RARB: variants seen among roughly 807,000 people sequenced by gnomAD.
The protein encoded by RARB is retinoic acid receptor beta.
In RARB, 17 loss-of-function variants were observed where a neutral mutation model predicts 51.9. The ratio of observed to expected loss-of-function variants is 0.33; its 90% CI spans 0.22 to 0.49. The LOEUF is 0.49. Among genes scored for constraint, RARB ranks in the 20% least tolerant of loss-of-function variants. RARB has a pLI of 0.99. For synonymous variants in RARB, 215 were observed against 195.4 expected (o/e 1.10, Z -0.84); for missense variants, 369 against 550.8 (o/e 0.67, Z 3.30).
chr3:25,149,422 A>G (rs978442811), intron 4 of RARB, among the ~76,000 whole-genome samples: 9 of 152,244 alleles, frequency 5.9e-5, no homozygotes, highest in South Asian at 4.1e-4. Flanking sequence ...TATGCTAACC[A>G]TAGTTCTACC....
intron 4 of RARB, among the ~76,000 whole-genome samples, chr3:25,139,938 A>G (rs1173390483): frequency 6.6e-6 from 1 of 152,198 alleles, no homozygotes; most frequent in African/African-American, 2.4e-5. Flanking sequence ...CAAAGTGTGG[A>G]TGACAGCACA....
rs1442602340 is a variant in RARB, at chr3:25,403,869, C to G, written c.179-57324C>G. On this transcript the variant is annotated intron_variant, in intron 5 of 11. Coordinates refer to the RARB transcript ENST00000383772. ...AAAAAAAGATGCCAAGTGTCACAAG[C>G]TGTGAATTTCTTTTTCTAAAAAAAA... Among the ~76,000 whole-genome samples the G allele has an allele frequency of 4.4e-5, 4 of 91,080 alleles. No homozygotes were observed. The Admixed American group carries it at 6.1e-4, about 14-fold the overall frequency. 59.8% of individuals were successfully genotyped at this position (91,080 alleles called of 152,430 possible).
intron 1 of RARB, among the ~76,000 whole-genome samples, chr3:24,854,821 C>A (rs1702611578): frequency 6.6e-6 from 1 of 152,174 alleles, no homozygotes; most frequent in South Asian, 2.1e-4. Context: ...TCCCTGGGGG[C>A]AAAATCATCC....
chr3:25,539,532 C>T lies in RARB; in HGVS notation c.449-30226C>T, dbSNP rs201614907. Among the ~76,000 whole-genome samples the T allele has an allele frequency of 2.2e-3, 221 of 102,342 alleles. 1 individual carries two copies. The highest frequency in any genetic ancestry group is 5.9e-3 in the African/African-American group (136 of 23,044). The allele number at this position is 102,342 out of a possible 152,430, so 67.1% of individuals were successfully genotyped here. ...CCACCTGGCCACACTCTCTCTCTCT[C>T]TTTTTTTTTTTTTTTTCTTTTTTTT... On this transcript the variant is annotated intron_variant, in intron 3 of 7. Coordinates refer to ENST00000330688, the MANE Select transcript of RARB (RefSeq NM_000965.5).
intron 5 of RARB, among the ~76,000 whole-genome samples, chr3:25,348,159 A>C (rs1330666613): frequency 1.3e-5 from 2 of 152,192 alleles, no homozygotes; most frequent in Non-Finnish European, 2.9e-5. Context: ...TCCAGAGTTT[A>C]AATCTTGGCC....
intron 1 of RARB, among the ~76,000 whole-genome samples, chr3:24,836,361 C>T (rs1199550978): frequency 2.0e-5 from 3 of 152,132 alleles, no homozygotes; most frequent in African/African-American, 7.2e-5. Context: ...AAATATGACT[C>T]CTGTTTTCTA....
intron 5 of RARB, among the ~76,000 whole-genome samples, chr3:25,413,388 G>C (rs1186831858): frequency 1.3e-5 from 2 of 151,984 alleles, no homozygotes; most frequent in Non-Finnish European, 2.9e-5. Context: ...TAAATATTTG[G>C]GTAGTTTTCT....
chr3:24,888,722 T>G (rs1047685561), intron 2 of RARB, among the ~76,000 whole-genome samples: 1 of 152,192 alleles, frequency 6.6e-6, no homozygotes, highest in East Asian at 1.9e-4. Flanking sequence ...GATATAAATA[T>G]GTCTGCTATA....
intron 5 of RARB, among the ~76,000 whole-genome samples, chr3:25,221,956 T>C (rs997885259): frequency 1.6e-4 from 25 of 152,142 alleles, no homozygotes; most frequent in African/African-American, 6.0e-4. Context: ...TATTAGCACA[T>C]GTTGTATCCT....
intron 2 of RARB, among the ~76,000 whole-genome samples, chr3:25,040,602 G>T (rs932012196): frequency 6.6e-6 from 1 of 151,976 alleles, no homozygotes; most frequent in Non-Finnish European, 1.5e-5. Flanking sequence ...GCATGGTGGT[G>T]CATGCCTATT....
chr3:25,164,364 G>A (rs554686938), intron 4 of RARB, among the ~76,000 whole-genome samples: 2 of 152,288 alleles, frequency 1.3e-5, no homozygotes, highest in South Asian at 2.1e-4. Context: ...ATATAGGTGG[G>A]AAGGCCAGCG....
At chr3:24,943,207 G>A (rs1695706135) in intron 2 of RARB, among the ~76,000 whole-genome samples, 1 of 152,146 alleles carries the variant, frequency 6.6e-6, no homozygotes, top group Non-Finnish European at 1.5e-5. Flanking sequence ...AGTTTAGGGG[G>A]AGAAATAATA....
At chr3:25,194,639 A>C (rs2125365980) in intron 5 of RARB, among the ~76,000 whole-genome samples, 1 of 151,524 alleles carries the variant, frequency 6.6e-6, no homozygotes, top group African/African-American at 2.4e-5. Flanking sequence ...CCTTGAGAAC[A>C]AGGTCTTTTT....
At chr3:25,307,447 G>T (rs952366285) in intron 5 of RARB, among the ~76,000 whole-genome samples, 1 of 151,874 alleles carries the variant, frequency 6.6e-6, no homozygotes, top group Admixed American at 6.6e-5. Flanking sequence ...TGATGTGATT[G>T]CATGGTTACT....
At chr3:25,258,112 G>A (rs1559334906) in intron 5 of RARB, among the ~76,000 whole-genome samples, 2 of 152,216 alleles carry the variant, frequency 1.3e-5, no homozygotes, top group African/African-American at 2.4e-5. Context: ...AAAGGTTGAC[G>A]AATAGCTGGC....
chr3:25,151,229 G>A (rs1250218412), intron 4 of RARB, among the ~76,000 whole-genome samples: 1 of 152,202 alleles, frequency 6.6e-6, no homozygotes, highest in Non-Finnish European at 1.5e-5. Flanking sequence ...CCTGGAAATG[G>A]TTAGAGTTAC....
At chr3:25,412,240 C>T (rs1707582229) in intron 5 of RARB, among the ~76,000 whole-genome samples, 1 of 152,082 alleles carries the variant, frequency 6.6e-6, no homozygotes. Context: ...TCGTCCTTAT[C>T]CTGCACTTAA....
At chr3:25,126,442 C>CTT (rs35016301) in intron 3 of RARB, among the ~76,000 whole-genome samples, 4 of 145,636 alleles carry the variant, frequency 2.7e-5, no homozygotes, top group South Asian at 4.3e-4. Context: ...AAAACAATCT[C>CTT]TTTTTTTTTT....
At chr3:25,148,411 A>T (rs1033852112) in intron 4 of RARB, among the ~76,000 whole-genome samples, 2 of 152,238 alleles carry the variant, frequency 1.3e-5, no homozygotes, top group African/African-American at 4.8e-5. Context: ...TTACAAAATC[A>T]TTGGATCAGG....
Sources: allele counts gnomAD v4.1 joint callset (sites outside exome capture counted in the v4.1 genomes callset), GRCh38; gene constraint gnomAD v4.1.1; transcripts MANE v1.5; gene names NCBI Gene and HGNC (gene_info 2026-07-23, HGNC 2026-07-21).